Variants in EML1 observed in about 807,000 individuals in gnomAD.
EML1 encodes the protein EMAP like 1, also known as echinoderm microtubule-associated protein-like 1.
Under a neutral mutation model 110.4 loss-of-function variants are expected in EML1, and 27 were observed. The ratio of observed to expected loss-of-function variants is 0.24; its 90% CI spans 0.18 to 0.34. EML1 has a LOEUF of 0.34. EML1 is among the 10% of genes least tolerant of loss of function. The probability of loss-of-function intolerance (pLI) is 1.00; values close to 1 mark genes in which losing one functional copy is unlikely to be tolerated. For missense variants in EML1, 741 were observed against 1,030.9 expected, an observed-to-expected ratio of 0.72 and a Z score of 3.85; for synonymous variants, 344 against 385.8, an observed-to-expected ratio of 0.89 and a Z score of 1.27.
At chr14:99,752,439 A>G (rs1453486826) in intron 1 of EML1, among the ~76,000 whole-genome samples, 1 of 152,244 alleles carries the variant, frequency 6.6e-6, no homozygotes, top group Non-Finnish European at 1.5e-5. Context: ...TGGAAGTGGA[A>G]GCATGTCCCA....
intron 1 of EML1, among the ~76,000 whole-genome samples, chr14:99,741,156 G>C (rs1036886119): frequency 7.2e-5 from 11 of 152,228 alleles, no homozygotes; most frequent in African/African-American, 2.7e-4. Flanking sequence ...GTGAGCCTCT[G>C]TGACAGATGG....
intron 10 of EML1, 128 bp from the exon 11 acceptor site, chr14:99,909,217 G>A: frequency 4.3e-6 from 6 of 1,389,774 alleles, no homozygotes; most frequent in Admixed American, 1.7e-5. Context: ...TTCAATGGGG[G>A]AAATAATAGG....
chr14:99,867,259 G>A (rs1353385754), intron 3 of EML1, among the ~76,000 whole-genome samples: 1 of 152,142 alleles, frequency 6.6e-6, no homozygotes, highest in Non-Finnish European at 1.5e-5. Flanking sequence ...ATCAGGAAAT[G>A]GGAGGCCCCC....
In EML1 at chr14:99,941,850, T is replaced by C. The variant is rs2060594582; in HGVS notation, c.*1738T>C. 1 of 152,210 alleles carries C rather than the reference T, an allele frequency of 6.6e-6. No homozygotes were observed. Among genetic ancestry groups the C allele is most frequent in the African/African-American group, 2.4e-5 (1 of 41,450 alleles). The allele number at this position is 152,210 out of a possible 1,614,324, so 9.4% of individuals were successfully genotyped here. A position where few individuals can be genotyped will look rare whatever the true frequency, so the allele number is the denominator to read the frequency against. ...GATAAGATGAGGGAAGGAAAAGGCA[T>C]TCATTATTGACTTACATGTCAGTAA... On this transcript the variant is annotated 3_prime_UTR_variant, in exon 22 of 22. Transcript: ENST00000262233.
chr14:99,757,899 G>T (rs2057274513), intron 1 of EML1, among the ~76,000 whole-genome samples: 1 of 152,190 alleles, frequency 6.6e-6, no homozygotes, highest in Non-Finnish European at 1.5e-5. Context: ...ACAAGGAGGG[G>T]AGGAAACTTG....
rs756665522 is a variant in EML1 at position 99,939,242 on chromosome 14, G to A, written c.2237G>A (p.Cys746Tyr). ...GACGGAACCGACATCAATGCCGTCTGTCGGGCCCATGAGAAGAAACTCCTG... is the reference window on the plus strand; with the variant it reads ...GACGGAACCGACATCAATGCCGTCTATCGGGCCCATGAGAAGAAACTCCTG... ...GSDGTDINAV[C>Y]RAHEKKLLST... Residue 746 changes from cysteine (C) to tyrosine (Y), a missense_variant, in exon 21 of 22, where the codon TGT (cysteine) becomes TAT (tyrosine). Around this residue, in one of 4 missense-constraint regions of EML1, gnomAD observed 114 missense variants for 122.5 expected, o/e 0.93. Coordinates refer to ENST00000262233, the MANE Select transcript of EML1 (RefSeq NM_004434.3). The surrounding 1 kb of genome is among the most constrained non-coding windows in gnomAD (Gnocchi z 4.2). The A allele has an allele frequency of 1.2e-6, 2 of 1,614,078 alleles. No homozygotes were observed. Among genetic ancestry groups the A allele is most frequent in the Non-Finnish European group, 1.7e-6 (2 of 1,180,040 alleles).
At chr14:99,861,129 C>T (rs73358449) in intron 2 of EML1, among the ~76,000 whole-genome samples, 5,008 of 152,266 alleles carry the variant, frequency 0.033, 127 homozygotes, top group African/African-American at 0.075. Flanking sequence ...AGAAGCAAGG[C>T]TTTCGTTACT....
intron 1 of EML1, among the ~76,000 whole-genome samples, chr14:99,763,979 G>T (rs750165969): frequency 1.3e-5 from 2 of 152,140 alleles, no homozygotes; most frequent in Non-Finnish European, 1.5e-5. Context: ...TGTTGGGGCC[G>T]CCCTTTTCTT....
At chr14:99,922,877 G>A (rs555260390) in intron 17 of EML1, among the ~76,000 whole-genome samples, 2 of 151,958 alleles carry the variant, frequency 1.3e-5, no homozygotes, top group South Asian at 2.1e-4. Context: ...TATATATTCC[G>A]TATATACAGT....
At chr14:99,840,560 G>C (rs1184037458) in intron 1 of EML1, among the ~76,000 whole-genome samples, 1 of 152,194 alleles carries the variant, frequency 6.6e-6, no homozygotes, top group East Asian at 1.9e-4. Flanking sequence ...ACATACAGCG[G>C]CTGGTGAATC....
intron 1 of EML1, among the ~76,000 whole-genome samples, chr14:99,752,591 C>G (rs1482388478): frequency 6.6e-6 from 1 of 152,188 alleles, no homozygotes; most frequent in Non-Finnish European, 1.5e-5. Flanking sequence ...TGAGGTGCCC[C>G]CTGGGGAGAG....
Position 99,939,376 on chromosome 14 carries a change from G to T in EML1, c.2322+49G>T. On this transcript the variant is annotated intron_variant, in intron 21 of 21. Transcript: ENST00000262233. The surrounding 1 kb of genome is among the most constrained non-coding windows in gnomAD (Gnocchi z 4.2). ...ATCTTATCCCCCATGGGGCATGCAC[G>T]TACACCCGACCTGTTTGGAGACTAA... The T allele has an allele frequency of 1.2e-6, 2 of 1,607,088 alleles. No individual in the cohort carries two copies. Among genetic ancestry groups the T allele is most frequent in the Non-Finnish European group, 1.7e-6 (2 of 1,175,740 alleles).
chr14:99,767,933 G>A (rs2057384255), intron 1 of EML1, among the ~76,000 whole-genome samples: 1 of 152,112 alleles, frequency 6.6e-6, no homozygotes, highest in Admixed American at 6.5e-5. Context: ...CTACTTTGCT[G>A]AGCACACAAC....
At chr14:99,809,522 C>T (rs1167601190) in intron 1 of EML1, 6 of 401,724 alleles carry the variant, frequency 1.5e-5, no homozygotes, top group Admixed American at 2.8e-5. Context: ...GCGCCCTGGT[C>T]GGCACCCTGG....
intron 1 of EML1, among the ~76,000 whole-genome samples, chr14:99,745,463 G>C (rs953040274): frequency 2.0e-5 from 3 of 152,174 alleles, no homozygotes; most frequent in Non-Finnish European, 4.4e-5. Context: ...GTATAACAGA[G>C]GGCTGTGGCC....
chr14:99,776,091 A>G (rs2057479311), intron 1 of EML1, among the ~76,000 whole-genome samples: 3 of 152,240 alleles, frequency 2.0e-5, no homozygotes, highest in Non-Finnish European at 4.4e-5. Flanking sequence ...ATGAAATCTT[A>G]GCAGGTAACA....
intron 17 of EML1, among the ~76,000 whole-genome samples, chr14:99,922,165 T>A (rs1052871218): frequency 2.4e-4 from 35 of 147,346 alleles, no homozygotes; most frequent in African/African-American, 7.4e-4. Flanking sequence ...TAATGATGGA[T>A]TTTTTTTTTT....
intron 1 of EML1, among the ~76,000 whole-genome samples, chr14:99,751,451 G>A (rs1412674284): frequency 1.3e-5 from 2 of 152,212 alleles, no homozygotes; most frequent in East Asian, 3.8e-4. Context: ...AGACAAAGAT[G>A]ACAGTATGAT....
intron 1 of EML1, among the ~76,000 whole-genome samples, chr14:99,779,447 C>T (rs1266493185): frequency 6.6e-6 from 1 of 151,968 alleles, no homozygotes; most frequent in African/African-American, 2.4e-5. Flanking sequence ...TCCTCATATC[C>T]CCTCACTCTA....
Sources: gnomAD v4.1 joint callset for allele counts (sites outside exome capture counted in the v4.1 genomes callset) on GRCh38, gnomAD v4.1.1 for gene constraint, gnomAD v4.1.1 regional missense constraint, Gnocchi (gnomAD v3.1) non-coding constraint, MANE v1.5 for transcripts, NCBI Gene and HGNC (gene_info 2026-07-23, HGNC 2026-07-21) for gene names.